Variants in SEC14L6 observed in about 807,000 individuals in gnomAD.
SEC14L6 encodes SEC14-like protein 6.
A neutral mutation model predicts 54.1 loss-of-function variants in SEC14L6; 40 were observed. That is an observed-to-expected ratio of 0.74 (90% CI 0.57 to 0.96). SEC14L6 has a LOEUF of 0.96. Ranked by LOEUF, SEC14L6 falls within the 40% of genes least tolerant of loss-of-function variation. SEC14L6 has a pLI of 0.00. For missense variants in SEC14L6, 471 were observed against 498.3 expected, an observed-to-expected ratio of 0.95 and a Z score of 0.52; for synonymous variants, 171 against 198.4, an observed-to-expected ratio of 0.86 and a Z score of 1.16.
intron 1 of SEC14L6, chr22:30,542,945 A>G (rs111964145): frequency 1.9e-5 from 31 of 1,600,752 alleles, no homozygotes; most frequent in African/African-American, 8.0e-5. Flanking sequence ...GTGAAGTTCC[A>G]GAAAGGGAGC....
intron 1 of SEC14L6, chr22:30,544,139 G>GA: frequency 6.6e-6 from 8 of 1,212,618 alleles, no homozygotes; most frequent in African/African-American, 1.5e-5. Context: ...GTCCCACAAG[G>GA]AGCCGCCATG....
intron 2 of SEC14L6, among the ~76,000 whole-genome samples, chr22:30,536,373 C>T (rs943006190): frequency 1.3e-5 from 2 of 152,098 alleles, no homozygotes; most frequent in East Asian, 1.9e-4. Flanking sequence ...CCAGCCCTAC[C>T]GCCCACCCCC....
At chr22:30,540,631 G>A (rs7289242) in intron 1 of SEC14L6, among the ~76,000 whole-genome samples, 4,755 of 151,046 alleles carry the variant, frequency 0.031, 103 homozygotes, top group Middle Eastern at 0.076. Flanking sequence ...TGGGAGAATC[G>A]CTTGAACCCA....
chr22:30,539,964 T>C (rs1370649942), intron 1 of SEC14L6, among the ~76,000 whole-genome samples: 3 of 152,156 alleles, frequency 2.0e-5, no homozygotes, highest in African/African-American at 7.2e-5. Flanking sequence ...CACTGATGAA[T>C]ATGGTAAGGA....
chr22:30,538,955 G>T, intron 1 of SEC14L6, 53 bp from the exon 2 acceptor site: 1 of 1,289,574 alleles, frequency 7.8e-7, no homozygotes, highest in Admixed American at 2.0e-5. Context: ...CCTCGGTCCT[G>T]CAGGTCTCAA....
rs962549408 is a variant in SEC14L6, at chr22:30,525,994, G to A, written c.665-62C>T. 3 of 1,543,392 alleles carry A rather than the reference G, an allele frequency of 1.9e-6. No individual in the cohort carries two copies. In the Admixed American group the frequency reaches 5.8e-5, roughly 30 times the overall value. Reference sequence around the variant, plus strand: ...AGGAGACTCAACAGAGGGCAGAGGGGGCTGAGCCCAGGTCTGTCCTTTGGC... The same window carrying A: ...AGGAGACTCAACAGAGGGCAGAGGGAGCTGAGCCCAGGTCTGTCCTTTGGC... On this transcript the variant is annotated intron_variant, in intron 8 of 11. Transcript: ENST00000402034.
chr22:30,546,583 A>G lies in SEC14L6; in HGVS notation c.54+46T>C, dbSNP rs1427814875. On this transcript the variant is annotated intron_variant, in intron 1 of 11. Transcript: ENST00000402034. ...CTTGAGTCCTGCCCTTCCCCGTGGC[A>G]GAAGGAGAAACTGAGGCTGGTGTAG... 5.3e-6 allele frequency: 8 copies of G among 1,514,674 alleles called. No homozygotes were observed. In the East Asian group the frequency reaches 2.0e-4, roughly 37 times the overall value. The allele number at this position is 1,514,674 out of a possible 1,614,324, so 93.8% of individuals were successfully genotyped here. A position where few individuals can be genotyped will look rare whatever the true frequency, so the allele number is the denominator to read the frequency against.
At chr22:30,544,227 C>T (rs1418787327) in intron 1 of SEC14L6, 1 of 575,900 alleles carries the variant, frequency 1.7e-6, no homozygotes, top group Non-Finnish European at 3.0e-6. Context: ...TGGCTCTTCT[C>T]TCCCCACCCC....
In SEC14L6 at chr22:30,545,729, T is replaced by C. The variant is rs188899276; in HGVS notation, c.54+900A>G. Among the ~76,000 whole-genome samples the C allele has an allele frequency of 3.1e-3, 473 of 152,354 alleles. 4 individuals are homozygous for C. Among genetic ancestry groups the C allele is most frequent in the African/African-American group, 0.011 (446 of 41,590 alleles). Reference sequence around the variant, plus strand: ...GCCCGAGCTACTGCACCAGACCAGTTGTTTTTATATTGATTAGATTATATA... The same window carrying C: ...GCCCGAGCTACTGCACCAGACCAGTCGTTTTTATATTGATTAGATTATATA... On this transcript the variant is annotated intron_variant, in intron 1 of 11. Transcript: ENST00000402034.
At chr22:30,543,661 A>G in intron 1 of SEC14L6, 1 of 1,612,564 alleles carries the variant, frequency 6.2e-7, no homozygotes, top group East Asian at 2.2e-5. Context: ...CGCTGAGAAC[A>G]CTGGACCTAA....
chr22:30,543,930 C>A (rs1398558052), intron 1 of SEC14L6: 1 of 1,606,146 alleles, frequency 6.2e-7, no homozygotes, highest in Non-Finnish European at 8.5e-7. Flanking sequence ...CAGAGTATGC[C>A]AGCATTCAGA....
At chr22:30,535,812 G>A (rs1391536856) in intron 2 of SEC14L6, among the ~76,000 whole-genome samples, 1 of 152,018 alleles carries the variant, frequency 6.6e-6, no homozygotes, top group Non-Finnish European at 1.5e-5. Flanking sequence ...CCAGGCTCAA[G>A]TGATCCTCCT....
intron 1 of SEC14L6, chr22:30,543,577 G>T (rs182755686): frequency 6.2e-6 from 10 of 1,613,628 alleles, no homozygotes; most frequent in Non-Finnish European, 8.5e-6. Context: ...GGAGCATGAC[G>T]GGCAGTCAGC....
At chr22:30,533,385 G>A (rs1361728108) in intron 3 of SEC14L6, among the ~76,000 whole-genome samples, 2 of 152,122 alleles carry the variant, frequency 1.3e-5, no homozygotes, top group Non-Finnish European at 2.9e-5. Flanking sequence ...TGGATCACCC[G>A]AGGTCAGGAG....
chr22:30,543,206 C>T, intron 1 of SEC14L6: 1 of 1,603,914 alleles, frequency 6.2e-7, no homozygotes, highest in Non-Finnish European at 8.5e-7. Flanking sequence ...CACAGCACAG[C>T]CAATGTGGTG....
intron 1 of SEC14L6, chr22:30,543,289 C>T (rs1284470963): frequency 6.1e-5 from 96 of 1,580,078 alleles, no homozygotes; most frequent in Non-Finnish European, 7.8e-5. Context: ...GGACTCTTTT[C>T]GTGGGACTGC....
At chr22:30,538,069 A>G (rs531790315) in intron 2 of SEC14L6, among the ~76,000 whole-genome samples, 1 of 151,984 alleles carries the variant, frequency 6.6e-6, no homozygotes, top group Non-Finnish European at 1.5e-5. Context: ...GCCAGACGAG[A>G]TGGCTCATGC....
chr22:30,523,548 G>A lies in SEC14L6; in HGVS notation c.*1449C>T, dbSNP rs1441143966. 3 of 152,092 alleles carry A rather than the reference G, an allele frequency of 2.0e-5. No individual in the cohort carries two copies. Among genetic ancestry groups the A allele is most frequent in the Non-Finnish European group, 4.4e-5 (3 of 68,038 alleles). The allele number at this position is 152,092 out of a possible 1,614,324, so 9.4% of individuals were successfully genotyped here. A position where few individuals can be genotyped will look rare whatever the true frequency, so the allele number is the denominator to read the frequency against. ...AATTTGTGTATGTTTCGTAGAGACG[G>A]GGTTTCGCCATGTTGTCCAGGCTGG... On this transcript the variant is annotated 3_prime_UTR_variant, in exon 12 of 12. Coordinates refer to ENST00000402034, the MANE Select transcript of SEC14L6 (RefSeq NM_001193336.4).
chr22:30,532,707 T>C lies in SEC14L6; in HGVS notation c.241A>G (p.Arg81Gly). Residue 81 changes from arginine (R) to glycine (G), a missense_variant, in exon 5 of 12, where the codon AGG becomes GGG. Coordinates refer to ENST00000402034, the MANE Select transcript of SEC14L6 (RefSeq NM_001193336.4). Reference sequence around the variant, plus strand: ...CATATGCCGTTAGCGTTGTACAGCCTGACCACCTGGATGCATACACAGGAG... The same window carrying C: ...CATATGCCGTTAGCGTTGTACAGCCCGACCACCTGGATGCATACACAGGAG... ...ILAWQPPEVV[R>G]LYNANGICGH... 5.1e-6 allele frequency: 8 copies of C among 1,568,672 alleles called. No homozygotes were observed. Among genetic ancestry groups the C allele is most frequent in the Non-Finnish European group, 6.1e-6 (7 of 1,156,598 alleles).
Sources: allele counts gnomAD v4.1 joint callset (sites outside exome capture counted in the v4.1 genomes callset), GRCh38; gene constraint gnomAD v4.1.1; transcripts MANE v1.5; gene names NCBI Gene and HGNC (gene_info 2026-07-23, HGNC 2026-07-21).